CDH12: variants seen among roughly 807,000 people sequenced by gnomAD.
CDH12 encodes cadherin-12.
A neutral mutation model predicts 74.1 loss-of-function variants in CDH12; 41 were observed. That is an observed-to-expected ratio of 0.55 (90% CI 0.43 to 0.72). The LOEUF (loss-of-function observed/expected upper bound fraction) is 0.72, where lower values mean the gene tolerates loss of function less well. CDH12 is among the 30% of genes least tolerant of loss of function. CDH12 has a pLI of 0.00. For missense variants in CDH12, 945 were observed against 977.2 expected (o/e 0.97, Z 0.44); for synonymous variants, 399 against 355.0 (o/e 1.12, Z -1.39).
chr5:22,533,405 T>C (rs1382197185), intron 1 of CDH12, among the ~76,000 whole-genome samples: 2 of 152,202 alleles, frequency 1.3e-5, no homozygotes, highest in Admixed American at 6.5e-5. Context: ...TATAAAAAAA[T>C]TCTCTGTAGT....
chr5:22,288,272 G>A (rs946689893), intron 3 of CDH12, among the ~76,000 whole-genome samples: 2 of 152,010 alleles, frequency 1.3e-5, no homozygotes, highest in Admixed American at 6.5e-5. Context: ...ACTTATTGGA[G>A]TAACAAAAGC....
At chr5:21,899,771 ATTC>A (rs1202553808) in intron 6 of CDH12, among the ~76,000 whole-genome samples, 3 of 142,940 alleles carry the variant, frequency 2.1e-5, no homozygotes, top group Non-Finnish European at 3.1e-5. Context: ...TAATAATAAC[ATTC>A]TTCTAGCTTT....
chr5:21,823,003 T>C (rs1465280975), intron 8 of CDH12, among the ~76,000 whole-genome samples: 1 of 152,072 alleles, frequency 6.6e-6, no homozygotes, highest in African/African-American at 2.4e-5. Flanking sequence ...GTAGATTAAT[T>C]GCTTAATTTT....
rs530885195 is a variant in CDH12 at position 21,979,022 on chromosome 5, T to C, written c.232-3637A>G. ...GGCTACAGATAAAAAGAACTCATAG[T>C]CTTTTCCATATTTTTGGGTCATGTT... On this transcript the variant is annotated intron_variant, in intron 5 of 14. Transcript: ENST00000382254. Among the ~76,000 whole-genome samples the C allele has an allele frequency of 1.6e-4, 24 of 152,268 alleles. No individual in the cohort carries two copies. In the East Asian group the frequency reaches 4.6e-3, roughly 29 times the overall value.
At chr5:21,998,407 A>G (rs1211381645) in intron 5 of CDH12, among the ~76,000 whole-genome samples, 1 of 152,070 alleles carries the variant, frequency 6.6e-6, no homozygotes, top group African/African-American at 2.4e-5. Context: ...ACCACAGATC[A>G]TGTGTAGTTT....
chr5:22,685,743 G>T (rs1307719864), intron 1 of CDH12, among the ~76,000 whole-genome samples: 3 of 152,016 alleles, frequency 2.0e-5, no homozygotes, highest in African/African-American at 7.3e-5. Context: ...CTTTTTTATT[G>T]CCAAATAACA....
chr5:22,683,116 TAAAC>T (rs1448243690), intron 1 of CDH12, among the ~76,000 whole-genome samples: 2 of 152,320 alleles, frequency 1.3e-5, no homozygotes, highest in East Asian at 1.9e-4. Flanking sequence ...TGCCATTTCT[TAAAC>T]AGACAGCACT....
intron 13 of CDH12, among the ~76,000 whole-genome samples, chr5:21,759,565 AT>A (rs1455868740): frequency 6.6e-6 from 1 of 152,150 alleles, no homozygotes; most frequent in Non-Finnish European, 1.5e-5. Flanking sequence ...GGTTGACTTG[AT>A]TTAGTAAAAT....
intron 3 of CDH12, among the ~76,000 whole-genome samples, chr5:22,290,843 G>A (rs1737355214): frequency 1.3e-5 from 2 of 151,964 alleles, no homozygotes; most frequent in South Asian, 4.2e-4. Context: ...TAATGAGTAA[G>A]GAAACTAAAG....
intron 3 of CDH12, among the ~76,000 whole-genome samples, chr5:22,239,611 A>G (rs1752678103): frequency 6.6e-6 from 1 of 152,198 alleles, no homozygotes; most frequent in South Asian, 2.1e-4. Flanking sequence ...AGACAAATAG[A>G]TGGATAGAGA....
chr5:22,844,190 T>C (rs1737201709), intron 1 of CDH12, among the ~76,000 whole-genome samples: 1 of 152,096 alleles, frequency 6.6e-6, no homozygotes, highest in Non-Finnish European at 1.5e-5. Flanking sequence ...AAAAATAATT[T>C]ATCTGCAGTC....
chr5:22,703,512 ATGAG>A (rs1742828104), intron 1 of CDH12, among the ~76,000 whole-genome samples: 1 of 152,172 alleles, frequency 6.6e-6, no homozygotes, highest in Non-Finnish European at 1.5e-5. Context: ...TTCCCCCAAA[ATGAG>A]TGAGTGTCTA....
chr5:21,768,441 A>G (rs2149880086), intron 11 of CDH12, among the ~76,000 whole-genome samples: 1 of 152,066 alleles, frequency 6.6e-6, no homozygotes, highest in South Asian at 2.1e-4. Context: ...AAGGAAAATA[A>G]TAAATTACCT....
At chr5:22,671,082 A>G (rs1296749441) in intron 1 of CDH12, among the ~76,000 whole-genome samples, 1 of 151,290 alleles carries the variant, frequency 6.6e-6, no homozygotes, top group Non-Finnish European at 1.5e-5. Flanking sequence ...TTTATTCACA[A>G]ATAATTTCTT....
intron 1 of CDH12, among the ~76,000 whole-genome samples, chr5:22,677,725 A>ATAAC (rs1741273162): frequency 6.6e-6 from 1 of 152,112 alleles, no homozygotes; most frequent in Admixed American, 6.6e-5. Flanking sequence ...GGCTGCTTGT[A>ATAAC]TAACTCTCCC....
intron 1 of CDH12, among the ~76,000 whole-genome samples, chr5:22,731,801 C>T (rs926698554): frequency 6.6e-6 from 1 of 151,828 alleles, no homozygotes; most frequent in African/African-American, 2.4e-5. Flanking sequence ...GTTCTCTAAA[C>T]ATCTTTCAGT....
intron 3 of CDH12, among the ~76,000 whole-genome samples, chr5:22,345,265 G>T (rs1740062349): frequency 6.6e-6 from 1 of 152,008 alleles, no homozygotes; most frequent in Admixed American, 6.5e-5. Context: ...TTATAGCCTG[G>T]TGCCTACAGT....
chr5:22,513,459 C>T (rs1435354497), intron 1 of CDH12, among the ~76,000 whole-genome samples: 1 of 152,024 alleles, frequency 6.6e-6, no homozygotes, highest in Non-Finnish European at 1.5e-5. Flanking sequence ...GAATAATGAA[C>T]ATGAAATGAG....
chr5:22,152,245 A>G (rs1747642964), intron 4 of CDH12: 1 of 152,184 alleles, frequency 6.6e-6, no homozygotes, highest in African/African-American at 2.4e-5. Flanking sequence ...TTAAAAAACA[A>G]CAATGACAAC....
Sources: allele counts gnomAD v4.1 joint callset (sites outside exome capture counted in the v4.1 genomes callset), GRCh38; gene constraint gnomAD v4.1.1; transcripts MANE v1.5; gene names NCBI Gene and HGNC (gene_info 2026-07-23, HGNC 2026-07-21).